The following IFT80 variants were observed in gnomAD, a reference collection of about 807,000 sequenced individuals.
The protein encoded by IFT80 is intraflagellar transport protein 80 homolog.
Under a neutral mutation model 107.9 loss-of-function variants are expected in IFT80, and 79 were observed. The ratio of observed to expected loss-of-function variants is 0.73; its 90% CI spans 0.61 to 0.88. The LOEUF is 0.88. Ranked by LOEUF, IFT80 falls within the 40% of genes least tolerant of loss-of-function variation. IFT80 has a pLI of 0.00. For synonymous variants in IFT80, 299 were observed against 300.9 expected, an observed-to-expected ratio of 0.99 and a Z score of 0.07; for missense variants, 797 against 914.2, an observed-to-expected ratio of 0.87 and a Z score of 1.65.
chr3:160,322,863 C>A (rs1320114466), intron 8 of IFT80, among the ~76,000 whole-genome samples: 1 of 151,840 alleles, frequency 6.6e-6, no homozygotes, highest in Admixed American at 6.6e-5. Context: ...CATATCCTTT[C>A]CCCACTTTTT....
At chr3:160,372,241 G>C (rs551864955) in intron 5 of IFT80, among the ~76,000 whole-genome samples, 1 of 152,104 alleles carries the variant, frequency 6.6e-6, no homozygotes, top group Non-Finnish European at 1.5e-5. Flanking sequence ...GATAATTCAG[G>C]TTTATATTAT....
chr3:160,349,305 T>C (rs1559953979), intron 8 of IFT80, among the ~76,000 whole-genome samples: 1 of 151,898 alleles, frequency 6.6e-6, no homozygotes, highest in African/African-American at 2.4e-5. Flanking sequence ...AAAAATTCGC[T>C]GGGTACTGTG....
Position 160,336,861 on chromosome 3 carries a change from C to T in IFT80, c.778-16922G>A, listed in dbSNP as rs558461730. Among the ~76,000 whole-genome samples, 18 of 152,158 alleles carry T rather than the reference C, an allele frequency of 1.2e-4. No individual in the cohort carries two copies. In the South Asian group the frequency reaches 3.5e-3, roughly 30 times the overall value. On this transcript the variant is annotated intron_variant, in intron 8 of 19. Coordinates refer to ENST00000326448, the MANE Select transcript of IFT80 (RefSeq NM_020800.3). ...TTTTAACCTAATGATTACATTTATG[C>T]TAATTACTTTTATAAAAATACTTTA... is the stretch of plus-strand genomic sequence containing the variant.
Position 160,279,343 on chromosome 3 carries a change from A to AT in IFT80, c.1685dup (p.His562GlnfsTer13). The AT allele has an allele frequency of 6.2e-7, 1 of 1,613,134 alleles. No homozygotes were observed. Among genetic ancestry groups the AT allele is most frequent in the Non-Finnish European group, 8.5e-7 (1 of 1,179,292 alleles). On this transcript the variant is annotated frameshift_variant, in exon 16 of 20. Transcript: ENST00000326448. LOFTEE classifies it high-confidence loss of function. ...CTTGATTTCCAACAAAACTCACAAT[A>AT]TGGGGATTTTTACTAAATTCACTGT...
chr3:160,285,809 GAGAA>G lies in IFT80; in HGVS notation c.1371_1374del (p.Ser458IlefsTer35), dbSNP rs1184111556. 1.9e-6 allele frequency: 3 copies of G among 1,601,044 alleles called. No homozygotes were observed. The highest frequency in any genetic ancestry group is 1.3e-5 in the African/African-American group (1 of 74,558). On this transcript the variant is annotated frameshift_variant, in exon 13 of 20. Coordinates refer to ENST00000326448, the MANE Select transcript of IFT80 (RefSeq NM_020800.3). LOFTEE classifies it high-confidence loss of function. Reference sequence around the variant, plus strand: ...AAGTAGTTAATGTCCATTACCTTATGAGAAAGAAACTTTCCATCACCTAACGGCT... The same window carrying G: ...AAGTAGTTAATGTCCATTACCTTATGAGAAACTTTCCATCACCTAACGGCT...
intron 7 of IFT80, among the ~76,000 whole-genome samples, chr3:160,356,589 T>C (rs1185131864): frequency 1.3e-5 from 2 of 152,178 alleles, no homozygotes; most frequent in Non-Finnish European, 2.9e-5. Context: ...AGCATGATCA[T>C]AGCTCACTGC....
intron 13 of IFT80, among the ~76,000 whole-genome samples, chr3:160,285,588 T>A (rs1054520229): frequency 1.3e-5 from 2 of 152,220 alleles, no homozygotes; most frequent in African/African-American, 2.4e-5. Context: ...ATCCTTTTTT[T>A]CAACTAATTT....
At position 160,258,337 on chromosome 3, in the gene IFT80, T is replaced by A; in HGVS notation, c.*188A>T. ...TTGCTAATTATTGGACTAAAAAATA[T>A]AAAAGATAGAAATACATCAATTACT... On this transcript the variant is annotated 3_prime_UTR_variant, in exon 20 of 20. Transcript: ENST00000326448. The A allele has an allele frequency of 1.4e-6, 1 of 722,650 alleles. No homozygotes were observed. The highest frequency in any genetic ancestry group is 1.9e-5 in the South Asian group (1 of 52,346). 44.8% of individuals were successfully genotyped at this position (722,650 alleles called of 1,614,324 possible).
Position 160,377,540 on chromosome 3 carries a change from C to A in IFT80, c.260G>T (p.Gly87Val). ...AESFVLTSSD[G>V]KFHLISKLGR... ...TAACTTGGAAATCAGATGAAATTTA[C>A]CTGAAAGAAATTACATTTGAAAAAT... The change falls in exon 4 of 20, where the codon GGT (glycine) becomes GTT (valine). Residue 87 changes from glycine (G) to valine (V), a missense_variant and splice_region_variant. By Grantham distance (109) the Gly-to-Val change is moderately radical. Transcript: ENST00000326448. The A allele has an allele frequency of 6.4e-7, 1 of 1,551,308 alleles. No individual in the cohort carries two copies. Among genetic ancestry groups the A allele is most frequent in the Non-Finnish European group, 8.9e-7 (1 of 1,123,876 alleles).
chr3:160,283,936 C>T (rs1458034223), intron 13 of IFT80, among the ~76,000 whole-genome samples: 2 of 152,174 alleles, frequency 1.3e-5, no homozygotes, highest in Middle Eastern at 3.4e-3. Flanking sequence ...TCATTAGAAC[C>T]GTCTCCCTTG....
At chr3:160,395,692 G>T (rs1292830566) in intron 1 of IFT80, among the ~76,000 whole-genome samples, 2 of 152,220 alleles carry the variant, frequency 1.3e-5, no homozygotes, top group Non-Finnish European at 2.9e-5. Context: ...AAAGGTGCTA[G>T]AGGCCATCAT....
intron 9 of IFT80, among the ~76,000 whole-genome samples, chr3:160,313,058 AAT>A (rs1361539608): frequency 2.0e-5 from 2 of 101,756 alleles, no homozygotes; most frequent in Admixed American, 1.7e-4. Context: ...TAATAAATAT[AAT>A]ATATATTATA....
At chr3:160,394,334 A>G (rs558388791) in intron 1 of IFT80, 23 of 152,276 alleles carry the variant, frequency 1.5e-4, no homozygotes, top group African/African-American at 5.5e-4. Context: ...AAATCACAAA[A>G]AAATCTCATA....
Position 160,319,884 on chromosome 3 carries a change from G to C in IFT80, c.833C>G (p.Ser278Cys). 6.2e-7 allele frequency: 1 copy of C among 1,612,520 alleles called. No homozygotes were observed. The highest frequency in any genetic ancestry group is 8.5e-7 in the Non-Finnish European group (1 of 1,179,192). ...NTGSIFNIAW[S>C]IDGTQIAGAC... ...TCCAGCAATCTGAGTGCCATCGATA[G>C]ACCATGCAATATTAAATATGCTGCC... The change falls in exon 9 of 20, where the codon TCT becomes TGT. Residue 278 changes from serine (S) to cysteine (C), a missense_variant. Ser to Cys is a moderately radical substitution (Grantham distance 112, BLOSUM62 -1). Transcript: ENST00000326448.
chr3:160,310,245 T>A (rs1408830734), intron 9 of IFT80, among the ~76,000 whole-genome samples: 1 of 152,220 alleles, frequency 6.6e-6, no homozygotes, highest in African/African-American at 2.4e-5. Context: ...AACGAAGCTA[T>A]TGAAATCAGT....
chr3:160,324,239 AGT>A (rs1718499085), intron 8 of IFT80, among the ~76,000 whole-genome samples: 1 of 152,214 alleles, frequency 6.6e-6, no homozygotes, highest in Admixed American at 6.5e-5. Flanking sequence ...AAACTATTCC[AGT>A]CAATAGAAAA....
At position 160,358,284 on chromosome 3, in the gene IFT80, A is replaced by G. The variant is rs547385440; in HGVS notation, c.550-706T>C. ...TGCCTTGGCCTCCCAATGTGCGGGG[A>G]TTACAGGCGTGAGCCACCATGTTCA... On this transcript the variant is annotated intron_variant, in intron 6 of 19. Transcript: ENST00000326448. Among the ~76,000 whole-genome samples the G allele has an allele frequency of 2.6e-5, 4 of 151,504 alleles. No homozygotes were observed. The South Asian group carries it at 8.4e-4, about 32-fold the overall frequency.
chr3:160,276,012 C>T (rs1370981514), intron 18 of IFT80, among the ~76,000 whole-genome samples: 1 of 151,866 alleles, frequency 6.6e-6, no homozygotes, highest in African/African-American at 2.4e-5. Flanking sequence ...GGATTACAGG[C>T]GTGTGCCACC....
intron 8 of IFT80, among the ~76,000 whole-genome samples, chr3:160,351,457 T>C (rs1262505304): frequency 6.7e-6 from 1 of 148,972 alleles, no homozygotes; most frequent in Non-Finnish European, 1.5e-5. Flanking sequence ...CTGGAATTGC[T>C]GGGTTAAAGT....
Sources: allele counts gnomAD v4.1 joint callset (sites outside exome capture counted in the v4.1 genomes callset), GRCh38; gene constraint gnomAD v4.1.1; transcripts MANE v1.5; gene names NCBI Gene and HGNC (gene_info 2026-07-23, HGNC 2026-07-21).